The following NHSL1 variants were observed in gnomAD, a reference collection of about 807,000 sequenced individuals.
The protein encoded by NHSL1 is NHS like 1, also known as NHS-like protein 1.
In NHSL1, 48 loss-of-function variants were observed where a neutral mutation model predicts 95.0. That is an observed-to-expected ratio of 0.51 (90% CI 0.40 to 0.64). NHSL1 has a LOEUF of 0.64. Among genes scored for constraint, NHSL1 ranks in the 30% least tolerant of loss-of-function variants. The pLI, the probability that NHSL1 is intolerant of heterozygous loss-of-function variation, is 0.00. For missense variants in NHSL1, 1,971 were observed against 2,077.7 expected, an observed-to-expected ratio of 0.95 and a Z score of 1.00; for synonymous variants, 783 against 833.9, an observed-to-expected ratio of 0.94 and a Z score of 1.05.
intron 3 of NHSL1, among the ~76,000 whole-genome samples, chr6:138,467,850 T>C (rs1227079385): frequency 6.6e-6 from 1 of 152,220 alleles, no homozygotes; most frequent in African/African-American, 2.4e-5. Context: ...GTTTAAAAAA[T>C]TTAAAAGCTT....
chr6:138,651,523 C>G (rs76651932), intron 1 of NHSL1, among the ~76,000 whole-genome samples: 6 of 152,102 alleles, frequency 3.9e-5, no homozygotes, highest in Non-Finnish European at 7.4e-5. Flanking sequence ...TCACCTAACC[C>G]TAACCTTGTC....
At chr6:138,538,694 C>G (rs77767195) in intron 1 of NHSL1, among the ~76,000 whole-genome samples, 9,734 of 152,238 alleles carry the variant, frequency 0.064, 444 homozygotes, top group African/African-American at 0.13. Flanking sequence ...CATAGATGGC[C>G]TCTTGTGGTC....
At chr6:138,510,502 A>C (rs1172444577) in intron 1 of NHSL1, among the ~76,000 whole-genome samples, 1 of 152,248 alleles carries the variant, frequency 6.6e-6, no homozygotes, top group African/African-American at 2.4e-5. Context: ...ACTACAGAAT[A>C]CACAGCAGCA....
chr6:138,531,521 T>TC (rs1491137222), intron 1 of NHSL1, among the ~76,000 whole-genome samples: 13 of 106,864 alleles, frequency 1.2e-4, no homozygotes, highest in African/African-American at 6.3e-4. Flanking sequence ...TTTCTCTCTC[T>TC]TTTTTTTTTT....
At chr6:138,633,134 G>T (rs1412155024) in intron 1 of NHSL1, among the ~76,000 whole-genome samples, 2 of 152,050 alleles carry the variant, frequency 1.3e-5, no homozygotes, top group African/African-American at 2.4e-5. Flanking sequence ...TTGAAGACAG[G>T]CTATTTGAAA....
intron 1 of NHSL1, among the ~76,000 whole-genome samples, chr6:138,591,557 C>T (rs1168963059): frequency 6.6e-6 from 1 of 152,142 alleles, no homozygotes; most frequent in East Asian, 1.9e-4. Context: ...GCTGAGACCA[C>T]AAGTACACGC....
upstream of NHSL1, among the ~76,000 whole-genome samples, chr6:138,575,488 AC>A (rs1783955526): frequency 6.6e-6 from 1 of 152,228 alleles, no homozygotes; most frequent in Non-Finnish European, 1.5e-5. Context: ...GAAACTGTGC[AC>A]CCACAAATCA....
At chr6:138,539,930 C>T (rs923192839) in intron 1 of NHSL1, among the ~76,000 whole-genome samples, 1 of 152,000 alleles carries the variant, frequency 6.6e-6, no homozygotes, top group African/African-American at 2.4e-5. Context: ...ATTTTGACTA[C>T]TCATGGAAGG....
chr6:138,636,690 A>C (rs1028160421), intron 1 of NHSL1, among the ~76,000 whole-genome samples: 1 of 152,186 alleles, frequency 6.6e-6, no homozygotes, highest in African/African-American at 2.4e-5. Flanking sequence ...TCAAATACAT[A>C]AGAATTAACC....
At chr6:138,576,324 A>G (rs549415131), upstream of NHSL1, among the ~76,000 whole-genome samples, 1 of 152,042 alleles carries the variant, frequency 6.6e-6, no homozygotes, top group African/African-American at 2.4e-5. Flanking sequence ...ATTGGTTTTT[A>G]AAAAAAATAA....
At chr6:138,490,922 G>A (rs540186998) in intron 2 of NHSL1, among the ~76,000 whole-genome samples, 26 of 152,282 alleles carry the variant, frequency 1.7e-4, no homozygotes, top group South Asian at 6.2e-4. Flanking sequence ...GTGAGCCACC[G>A]CGCCTGGATG....
intron 2 of NHSL1, among the ~76,000 whole-genome samples, chr6:138,482,445 C>CAAAAAA (rs34849976): frequency 8.6e-5 from 7 of 81,220 alleles, no homozygotes; most frequent in African/African-American, 2.9e-4. Context: ...GACTCCGTCT[C>CAAAAAA]AAAAAAAAAA....
At chr6:138,669,187 T>C (rs1428296101) in intron 1 of NHSL1, among the ~76,000 whole-genome samples, 2 of 151,472 alleles carry the variant, frequency 1.3e-5, no homozygotes, top group South Asian at 2.1e-4. Context: ...TGTCCTGGAG[T>C]TCTAGCAAAG....
chr6:138,527,829 A>G (rs1274532293), intron 1 of NHSL1, among the ~76,000 whole-genome samples: 1 of 152,196 alleles, frequency 6.6e-6, no homozygotes, highest in Non-Finnish European at 1.5e-5. Flanking sequence ...AAGTTCATGA[A>G]GCTCTTATGA....
At chr6:138,618,802 C>A (rs1048398995) in intron 1 of NHSL1, among the ~76,000 whole-genome samples, 1 of 152,156 alleles carries the variant, frequency 6.6e-6, no homozygotes, top group Non-Finnish European at 1.5e-5. Context: ...TTCAACACAT[C>A]CAGACAGCTG....
At chr6:138,554,560 G>C (rs1783126547) in intron 1 of NHSL1, among the ~76,000 whole-genome samples, 1 of 152,162 alleles carries the variant, frequency 6.6e-6, no homozygotes, top group Non-Finnish European at 1.5e-5. Context: ...CAAACAAAAA[G>C]ATAAAATTCC....
At chr6:138,641,864 T>C (rs1473324697) in intron 1 of NHSL1, among the ~76,000 whole-genome samples, 2 of 152,150 alleles carry the variant, frequency 1.3e-5, no homozygotes, top group Admixed American at 1.3e-4. Context: ...CTGTCTCCTA[T>C]ATTTTCTTCG....
upstream of NHSL1, among the ~76,000 whole-genome samples, chr6:138,548,528 T>A (rs1782890356): frequency 6.6e-6 from 1 of 152,148 alleles, no homozygotes; most frequent in South Asian, 2.1e-4. Context: ...GTTGGTGTAT[T>A]TTATGTGTGG....
intron 1 of NHSL1, among the ~76,000 whole-genome samples, chr6:138,632,721 G>A (rs1784835501): frequency 6.6e-6 from 1 of 152,110 alleles, no homozygotes; most frequent in Admixed American, 6.5e-5. Flanking sequence ...TGAATATCTG[G>A]AAAGCCTTCC....
Sources: gnomAD v4.1 joint callset for allele counts (sites outside exome capture counted in the v4.1 genomes callset) on GRCh38, gnomAD v4.1.1 for gene constraint, MANE v1.5 for transcripts, NCBI Gene and HGNC (gene_info 2026-07-23, HGNC 2026-07-21) for gene names.